Variants in RGPD4 observed in about 807,000 individuals in gnomAD.
RGPD4 encodes ranBP2-like and GRIP domain-containing protein 4.
Under a neutral mutation model 141.1 loss-of-function variants are expected in RGPD4, and 84 were observed. The ratio of observed to expected loss-of-function variants is 0.60; its 90% CI spans 0.50 to 0.71. The LOEUF (loss-of-function observed/expected upper bound fraction) is 0.71, where lower values mean the gene tolerates loss of function less well. Ranked by LOEUF, RGPD4 falls within the 30% of genes least tolerant of loss-of-function variation. The pLI is 0.00. For missense variants in RGPD4, 918 were observed against 1,622.4 expected (o/e 0.57, Z 7.46); for synonymous variants, 298 against 566.8 (o/e 0.53, Z 6.74).
At chr2:107,833,607 C>T (rs909211142) in intron 1 of RGPD4, among the ~76,000 whole-genome samples, 184 of 150,356 alleles carry the variant, frequency 1.2e-3, no homozygotes, top group African/African-American at 4.4e-3. Context: ...AAAGATCATA[C>T]AGAAGAATAA....
At chr2:107,827,647 T>C (rs1681266992) in intron 1 of RGPD4, among the ~76,000 whole-genome samples, 1 of 49,598 alleles carries the variant, frequency 2.0e-5, no homozygotes, top group East Asian at 3.3e-4. Context: ...CGACGGGCGC[T>C]GCTCCCTGGC....
intron 7 of RGPD4, among the ~76,000 whole-genome samples, chr2:107,849,459 C>A (rs1426655774): frequency 7.5e-6 from 1 of 133,332 alleles, no homozygotes; most frequent in Non-Finnish European, 1.6e-5. Context: ...CTCCACCTCC[C>A]GAGTTCACGC....
rs865918086 is a variant in RGPD4, at chr2:107,829,230, C to G, written c.72+2145C>G. Among the ~76,000 whole-genome samples the G allele has an allele frequency of 5.0e-4, 11 of 21,910 alleles. 3 individuals carry two copies. The highest frequency in any genetic ancestry group is 2.8e-3 in the South Asian group (1 of 360). 14.4% of individuals were successfully genotyped at this position (21,910 alleles called of 152,430 possible). On this transcript the variant is annotated intron_variant, in intron 1 of 22. Transcript: ENST00000408999. ...ATGGCTCAGGCGTCATGGCTCCCGA[C>G]GGGCGCTGCTCCCTGGCGCGCTCTG...
chr2:107,881,608 G>T (rs3927956), intron 21 of RGPD4, among the ~76,000 whole-genome samples: 26 of 150,998 alleles, frequency 1.7e-4, no homozygotes, highest in Admixed American at 5.3e-4. Context: ...GAGCCACCAC[G>T]CCTGGCCAAA....
chr2:107,849,689 T>TA (rs1162494311), intron 7 of RGPD4, among the ~76,000 whole-genome samples: 1 of 94,726 alleles, frequency 1.1e-5, no homozygotes, highest in Non-Finnish European at 2.2e-5. Context: ...TTTTTTTTTT[T>TA]AATGAGCCTG....
At chr2:107,846,440 G>A (rs182597120) in intron 6 of RGPD4, among the ~76,000 whole-genome samples, 48 of 151,920 alleles carry the variant, frequency 3.2e-4, no homozygotes, top group Admixed American at 2.6e-3. Flanking sequence ...CATTAAAAAT[G>A]TAATAAGCCC....
At chr2:107,884,363 G>A (rs562204350) in intron 22 of RGPD4, among the ~76,000 whole-genome samples, 6 of 152,196 alleles carry the variant, frequency 3.9e-5, no homozygotes, top group Non-Finnish European at 5.9e-5. Flanking sequence ...GCCTCCCAAA[G>A]TGCTGGGATT....
At chr2:107,829,737 G>GGCTTGTTCCCGAC (rs1281801995) in intron 1 of RGPD4, among the ~76,000 whole-genome samples, 32 of 152,140 alleles carry the variant, frequency 2.1e-4, no homozygotes, top group African/African-American at 5.8e-4. Context: ...TCTTTCTCCC[G>GGCTTGTTCCCGAC]GCTTGTTCCC....
intron 1 of RGPD4, among the ~76,000 whole-genome samples, chr2:107,832,777 T>G (rs1195460220): frequency 6.6e-6 from 1 of 151,904 alleles, no homozygotes; most frequent in Non-Finnish European, 1.5e-5. Flanking sequence ...CTCCATTTTC[T>G]AGAAGTTCTG....
At chr2:107,845,622 C>G (rs1410291823) in intron 6 of RGPD4, among the ~76,000 whole-genome samples, 1 of 152,284 alleles carries the variant, frequency 6.6e-6, no homozygotes, top group African/African-American at 2.4e-5. Context: ...AATCAGGACT[C>G]ATGGGCCCTT....
At position 107,827,061 on chromosome 2, in the gene RGPD4, G is replaced by C. The variant is rs1245991052; in HGVS notation, c.48G>C (p.Gln16His). The C allele has an allele frequency of 1.5e-5, 24 of 1,594,532 alleles. No homozygotes were observed. The highest frequency in any genetic ancestry group is 2.0e-5 in the Non-Finnish European group (23 of 1,171,822). The part of the protein sequence containing the change: ...AYGERYVASV[Q>H]GSAPSPRKKS... ...GGGAGCGGTACGTCGCCTCCGTGCA[G>C]GGCTCCGCCCCGTCGCCTCGAAAGG... is the stretch of plus-strand genomic sequence containing the variant. Residue 16 changes from glutamine (Q) to histidine (H), a missense_variant, in exon 1 of 23, where the codon CAG becomes CAC. Gln to His is a conservative substitution (Grantham distance 24). Coordinates refer to ENST00000408999, the MANE Select transcript of RGPD4 (RefSeq NM_182588.3).
chr2:107,872,160 C>T lies in RGPD4; in HGVS notation c.4156C>T (p.Gln1386Ter). The T allele has an allele frequency of 1.2e-6, 2 of 1,611,412 alleles. No homozygotes were observed. The highest frequency in any genetic ancestry group is 1.7e-6 in the Non-Finnish European group (2 of 1,179,828). The change falls in exon 20 of 23, where the codon CAG (glutamine) becomes TAG (stop). Residue 1386 changes from glutamine to a stop codon, truncating the protein, a stop_gained. Coordinates refer to ENST00000408999, the MANE Select transcript of RGPD4 (RefSeq NM_182588.3). LOFTEE classifies it high-confidence loss of function. ...ERGIGDIKIL[Q>*]NYDNKQVRIV... ...GGGCATTGGTGATATAAAGATTTTACAGAATTATGATAATAAGCAAGTTCG... is the reference window on the plus strand; with the variant it reads ...GGGCATTGGTGATATAAAGATTTTATAGAATTATGATAATAAGCAAGTTCG...
chr2:107,877,918 A>G (rs13394132), intron 20 of RGPD4, among the ~76,000 whole-genome samples: 1,657 of 150,584 alleles, frequency 0.011, 8 homozygotes, highest in Middle Eastern at 0.017. Flanking sequence ...GCTTCCAGCA[A>G]TTCTCTGCCT....
chr2:107,865,778 G>T (rs1224819937), intron 17 of RGPD4, among the ~76,000 whole-genome samples: 2 of 147,042 alleles, frequency 1.4e-5, no homozygotes, highest in African/African-American at 5.1e-5. Flanking sequence ...ACTTTCAAAA[G>T]ATATAATCAG....
chr2:107,840,770 G>A (rs1681775933), intron 4 of RGPD4, among the ~76,000 whole-genome samples: 1 of 70,790 alleles, frequency 1.4e-5, no homozygotes. Flanking sequence ...ATTTTTTTGA[G>A]ACAGAGTCTT....
chr2:107,877,828 G>GT (rs4012340), intron 20 of RGPD4, among the ~76,000 whole-genome samples: 2 of 151,556 alleles, frequency 1.3e-5, no homozygotes, highest in South Asian at 2.1e-4. Context: ...TTGTTTTTTT[G>GT]TTTTGAGCTG....
At position 107,836,495 on chromosome 2, in the gene RGPD4, A is replaced by G. The variant is rs535736816; in HGVS notation, c.73-107A>G. ...TTTAAAAAAAATTTTTAAGTGAATG[A>G]AAATGGCATATTTGAACATAAACTT... On this transcript the variant is annotated intron_variant, in intron 1 of 22. Coordinates refer to ENST00000408999, the MANE Select transcript of RGPD4 (RefSeq NM_182588.3). 25 of 1,035,322 alleles carry G rather than the reference A, an allele frequency of 2.4e-5. No homozygotes were observed. In the South Asian group the frequency reaches 3.0e-4, roughly 13 times the overall value. 64.1% of individuals were successfully genotyped at this position (1,035,322 alleles called of 1,614,324 possible). A position where few individuals can be genotyped will look rare whatever the true frequency, so the allele number is the denominator to read the frequency against.
At chr2:107,844,024 T>C (rs1015569005) in intron 6 of RGPD4, among the ~76,000 whole-genome samples, 4 of 140,228 alleles carry the variant, frequency 2.9e-5, no homozygotes, top group African/African-American at 1.0e-4. Context: ...ATGAATGTTC[T>C]AACTGCTATT....
intron 22 of RGPD4, among the ~76,000 whole-genome samples, chr2:107,888,484 C>G (rs1404946318): frequency 6.6e-6 from 1 of 150,952 alleles, no homozygotes; most frequent in Non-Finnish European, 1.5e-5. Flanking sequence ...CATCCCTAAG[C>G]AATATCGCTT....
Sources: gnomAD v4.1 joint callset for allele counts (sites outside exome capture counted in the v4.1 genomes callset) on GRCh38, gnomAD v4.1.1 for gene constraint, MANE v1.5 for transcripts, NCBI Gene and HGNC (gene_info 2026-07-23, HGNC 2026-07-21) for gene names.